Variants in FSTL1 observed in about 807,000 individuals in gnomAD.
FSTL1 encodes the protein follistatin like 1.
FSTL1 carries 24 observed loss-of-function variants against 45.9 expected under a neutral mutation model. That is an observed-to-expected ratio of 0.52 (90% CI 0.38 to 0.74). The LOEUF is 0.74. FSTL1 is among the 30% of genes least tolerant of loss of function. The pLI is 0.00. For missense variants in FSTL1, 340 were observed against 381.8 expected (o/e 0.89, Z 0.91); for synonymous variants, 120 against 137.6 (o/e 0.87, Z 0.89).
At chr3:120,413,696 T>TTATGACAA (rs1937114903) in intron 3 of FSTL1, among the ~76,000 whole-genome samples, 1 of 151,784 alleles carries the variant, frequency 6.6e-6, no homozygotes, top group East Asian at 1.9e-4. Flanking sequence ...TTCACTTTAG[T>TTATGACAA]GGCAGAACTT....
At position 120,412,838 on chromosome 3, in the gene FSTL1, G is replaced by GCGCCCA. The variant is rs1429168694; in HGVS notation, c.169-856_169-855insTGGGCG. 9.5e-4 allele frequency among the ~76,000 whole-genome samples: 101 copies of GCGCCCA among 106,196 alleles called. 6 individuals carry two copies. In the East Asian group the frequency reaches 0.022, roughly 23 times the overall value. 69.7% of individuals were successfully genotyped at this position (106,196 alleles called of 152,430 possible). On this transcript the variant is annotated intron_variant, in intron 3 of 10. Transcript: ENST00000295633. Reference sequence around the variant, plus strand: ...CACATGTGCGCGCGCGCGCGCGCGCGCACACACACACACACACACACACAC... The same window carrying GCGCCCA: ...CACATGTGCGCGCGCGCGCGCGCGCGCGCCCACACACACACACACACACACACACAC...
chr3:120,409,790 G>A, intron 5 of FSTL1, 128 bp from the exon 6 acceptor site: 1 of 730,340 alleles, frequency 1.4e-6, no homozygotes, highest in South Asian at 1.9e-5. Flanking sequence ...CAGGGAGATA[G>A]GATTAGCACA....
intron 8 of FSTL1, 29 bp downstream of exon 8, chr3:120,403,213 C>T (rs1489526448): frequency 4.1e-6 from 5 of 1,227,570 alleles, no homozygotes; most frequent in Non-Finnish European, 6.0e-6. Flanking sequence ...CCATTCACTA[C>T]AGCTCTCTAT....
At position 120,443,500 on chromosome 3, in the gene FSTL1, G is replaced by A. The variant is rs183369405; in HGVS notation, c.63+7184C>T. Among the ~76,000 whole-genome samples, 23 of 149,848 alleles carry A rather than the reference G, an allele frequency of 1.5e-4. 1 individual carries two copies. The East Asian group carries it at 3.1e-3, about 20-fold the overall frequency. ...ATTGAAGGATAAGAGGAAAGACAGG[G>A]GAAAAGACAAATTTTGCCTCAGACA... On this transcript the variant is annotated intron_variant, in intron 2 of 10. Transcript: ENST00000295633.
intron 2 of FSTL1, among the ~76,000 whole-genome samples, chr3:120,446,358 C>G (rs1463397723): frequency 6.6e-6 from 1 of 152,212 alleles, no homozygotes; most frequent in Non-Finnish European, 1.5e-5. Context: ...CTTCTATGAG[C>G]CTGGGGATGG....
chr3:120,403,232 T>C lies in FSTL1; in HGVS notation c.694+10A>G, dbSNP rs1936863125. The C allele has an allele frequency of 3.5e-6, 5 of 1,427,500 alleles. No individual in the cohort carries two copies. The highest frequency in any genetic ancestry group is 5.0e-6 in the Non-Finnish European group (5 of 1,009,416). The allele number at this position is 1,427,500 out of a possible 1,614,324, so 88.4% of individuals were successfully genotyped here. A position where few individuals can be genotyped will look rare whatever the true frequency, so the allele number is the denominator to read the frequency against. ...TCACTACAGCTCTCTATTTCTTAGG[T>C]TAGGCATACTCTTCTCAGGAGGGTT... On this transcript the variant is annotated intron_variant, in intron 8 of 10. Transcript: ENST00000295633.
At chr3:120,409,478 A>C in intron 6 of FSTL1, 54 bp downstream of exon 6, 1 of 1,530,460 alleles carries the variant, frequency 6.5e-7, no homozygotes, top group Non-Finnish European at 9.0e-7. Context: ...CAATGGGAGG[A>C]GGAAGCTTCC....
At chr3:120,431,429 A>C (rs968774151) in intron 2 of FSTL1, among the ~76,000 whole-genome samples, 7 of 152,228 alleles carry the variant, frequency 4.6e-5, no homozygotes, top group African/African-American at 1.7e-4. Flanking sequence ...GGAATCTGGT[A>C]TGTCTTTTAC....
chr3:120,411,661 C>T (rs535583481), intron 4 of FSTL1, among the ~76,000 whole-genome samples, 193 bp downstream of exon 4: 4 of 152,352 alleles, frequency 2.6e-5, no homozygotes, highest in South Asian at 4.1e-4. Context: ...GGGCAGAGGC[C>T]TGGGCCATCC....
In FSTL1 at chr3:120,393,541, C is replaced by T. The variant is rs1463530917; in HGVS notation, c.*3411G>A. On this transcript the variant is annotated 3_prime_UTR_variant, in exon 11 of 11. Transcript: ENST00000295633. ...GTCCCTGGCAATGATTCCATGTTCCCTGTACTACCTTCCCATGTTTATTTG... is the reference window on the plus strand; with the variant it reads ...GTCCCTGGCAATGATTCCATGTTCCTTGTACTACCTTCCCATGTTTATTTG... The T allele has an allele frequency of 2.6e-5, 4 of 152,174 alleles. No homozygotes were observed. The highest frequency in any genetic ancestry group is 9.7e-5 in the African/African-American group (4 of 41,438). 9.4% of individuals were successfully genotyped at this position (152,174 alleles called of 1,614,324 possible).
rs991176775 is a variant in FSTL1 at position 120,403,463 on chromosome 3, A to T, written c.582-109T>A. 3.1e-4 allele frequency: 209 copies of T among 664,460 alleles called. 2 individuals are homozygous for T. Among genetic ancestry groups the T allele is most frequent in the Non-Finnish European group, 6.2e-5 (23 of 372,008 alleles). 41.2% of individuals were successfully genotyped at this position (664,460 alleles called of 1,614,324 possible). On this transcript the variant is annotated intron_variant, in intron 7 of 10. Coordinates refer to ENST00000295633, the MANE Select transcript of FSTL1 (RefSeq NM_007085.5). Reference sequence around the variant, plus strand: ...CCCAGGGCCTCCACAGGAGGCCAAGAAGATGACTGCTAACTAAAACAGCCT... The same window carrying T: ...CCCAGGGCCTCCACAGGAGGCCAAGTAGATGACTGCTAACTAAAACAGCCT...
At chr3:120,412,032 C>G (rs1937064554) in intron 3 of FSTL1, 49 bp from the exon 4 acceptor site, 1 of 1,486,432 alleles carries the variant, frequency 6.7e-7, no homozygotes, top group African/African-American at 1.4e-5. Flanking sequence ...GATATCGACA[C>G]ACAGACACAC....
rs1490583708 is a variant in FSTL1, at chr3:120,450,939, C to T, written c.-43G>A. On this transcript the variant is annotated 5_prime_UTR_variant, in exon 1 of 11. Transcript: ENST00000295633. ...CTCCTGGGGGCGCGGGGCAGGACGG[C>T]GGCAGCGAGCTGTAAGCGGAGGTGG... 4.4e-5 allele frequency: 21 copies of T among 475,272 alleles called. No homozygotes were observed. Among genetic ancestry groups the T allele is most frequent in the South Asian group, 3.5e-5 (1 of 28,976 alleles). 29.4% of individuals were successfully genotyped at this position (475,272 alleles called of 1,614,324 possible). A position where few individuals can be genotyped will look rare whatever the true frequency, so the allele number is the denominator to read the frequency against.
chr3:120,422,362 A>G (rs1259297), intron 2 of FSTL1, among the ~76,000 whole-genome samples: 38,406 of 152,164 alleles, frequency 0.25, 5,881 homozygotes, highest in Middle Eastern at 0.36. Flanking sequence ...ACAAAATGGT[A>G]ACTATGTAGA....
At chr3:120,440,108 G>C (rs1383420477) in intron 2 of FSTL1, among the ~76,000 whole-genome samples, 1 of 152,100 alleles carries the variant, frequency 6.6e-6, no homozygotes, top group African/African-American at 2.4e-5. Flanking sequence ...GCAAGATCCT[G>C]TGTCAAAAAA....
chr3:120,429,216 G>A (rs2107665250), intron 2 of FSTL1, among the ~76,000 whole-genome samples: 1 of 152,320 alleles, frequency 6.6e-6, no homozygotes, highest in Admixed American at 6.5e-5. Flanking sequence ...CCTTCAGAGG[G>A]CATCCAAAGG....
rs376221777 is a variant in FSTL1 at position 120,431,311 on chromosome 3, A to G, written c.64-15284T>C. Among the ~76,000 whole-genome samples, 16 of 152,340 alleles carry G rather than the reference A, an allele frequency of 1.1e-4. 1 individual carries two copies. In the East Asian group the frequency reaches 1.9e-3, roughly 18 times the overall value. ...TTAAAAACTCAAAAGAAATAAGGTGAAATTAAGTGTAATCACTTATTTTAA... is the reference window on the plus strand; with the variant it reads ...TTAAAAACTCAAAAGAAATAAGGTGGAATTAAGTGTAATCACTTATTTTAA... On this transcript the variant is annotated intron_variant, in intron 2 of 10. Coordinates refer to ENST00000295633, the MANE Select transcript of FSTL1 (RefSeq NM_007085.5).
chr3:120,442,353 C>T (rs1482756236), intron 2 of FSTL1, among the ~76,000 whole-genome samples: 2 of 151,512 alleles, frequency 1.3e-5, no homozygotes, highest in Non-Finnish European at 1.5e-5. Context: ...ACTGAAGATA[C>T]AAGTTAGAGA....
At chr3:120,434,349 C>A (rs1006132870) in intron 2 of FSTL1, among the ~76,000 whole-genome samples, 1 of 152,158 alleles carries the variant, frequency 6.6e-6, no homozygotes, top group African/African-American at 2.4e-5. Flanking sequence ...ATGGTCCATT[C>A]TAGAGTCACT....
Sources: gnomAD v4.1 joint callset for allele counts (sites outside exome capture counted in the v4.1 genomes callset) on GRCh38, gnomAD v4.1.1 for gene constraint, MANE v1.5 for transcripts, NCBI Gene and HGNC (gene_info 2026-07-23, HGNC 2026-07-21) for gene names.